The following GPATCH2 variants were observed in gnomAD, a reference collection of about 807,000 sequenced individuals.
GPATCH2 encodes G patch domain-containing protein 2.
In GPATCH2, 51 loss-of-function variants were observed where a neutral mutation model predicts 58.0. The observed-to-expected ratio is 0.88, with a 90% CI of 0.70 to 1.11. The LOEUF is 1.11. Ranked by LOEUF, GPATCH2 falls within the 50% of genes most tolerant of loss-of-function variation. The probability of loss-of-function intolerance (pLI) is 0.00; values close to 1 mark genes in which losing one functional copy is unlikely to be tolerated. For synonymous variants in GPATCH2, 222 were observed against 218.5 expected, an observed-to-expected ratio of 1.02 and a Z score of -0.14; for missense variants, 625 against 652.2, an observed-to-expected ratio of 0.96 and a Z score of 0.45.
intron 8 of GPATCH2, among the ~76,000 whole-genome samples, chr1:217,484,078 C>G (rs770118101): frequency 6.6e-6 from 1 of 152,030 alleles, no homozygotes; most frequent in Non-Finnish European, 1.5e-5. Context: ...ACCAACATAC[C>G]AAGTCAATTT....
chr1:217,454,818 A>G lies in GPATCH2; in HGVS notation c.1278-5481T>C, dbSNP rs556859812. 1.6e-3 allele frequency among the ~76,000 whole-genome samples: 241 copies of G among 151,642 alleles called. 1 individual carries two copies. Among genetic ancestry groups the G allele is most frequent in the Middle Eastern group, 3.4e-3 (1 of 294 alleles). On this transcript the variant is annotated intron_variant, in intron 8 of 9. Transcript: ENST00000366935. Reference sequence around the variant, plus strand: ...CCTCTAATTTTCATATTTTTACTAGAGACGGGGGTTTCACCTTATTGGCCA... The same window carrying G: ...CCTCTAATTTTCATATTTTTACTAGGGACGGGGGTTTCACCTTATTGGCCA...
intron 1 of GPATCH2, among the ~76,000 whole-genome samples, chr1:217,623,606 A>G (rs1403008331): frequency 6.6e-6 from 1 of 152,192 alleles, no homozygotes; most frequent in Non-Finnish European, 1.5e-5. Context: ...AAGAGAAAAT[A>G]AAACTTATTT....
chr1:217,474,962 A>T (rs1660906300), intron 8 of GPATCH2, among the ~76,000 whole-genome samples: 1 of 152,166 alleles, frequency 6.6e-6, no homozygotes, highest in Non-Finnish European at 1.5e-5. Flanking sequence ...AAGGTGAATA[A>T]TTTTTATCTT....
chr1:217,557,793 G>A (rs1665718809), intron 5 of GPATCH2, among the ~76,000 whole-genome samples: 1 of 151,962 alleles, frequency 6.6e-6, no homozygotes, highest in Admixed American at 6.6e-5. Flanking sequence ...TTCTATCCCT[G>A]CACCGATACT....
chr1:217,461,371 G>A (rs1660191450), intron 8 of GPATCH2, among the ~76,000 whole-genome samples: 1 of 152,092 alleles, frequency 6.6e-6, no homozygotes, highest in Non-Finnish European at 1.5e-5. Context: ...TTACTCATGG[G>A]AGAAAACAGT....
intron 6 of GPATCH2, among the ~76,000 whole-genome samples, chr1:217,506,009 C>T (rs996748850): frequency 6.6e-6 from 1 of 152,050 alleles, no homozygotes; most frequent in Non-Finnish European, 1.5e-5. Flanking sequence ...TTTGTAGAGA[C>T]AAGGTTTCAC....
At chr1:217,440,413 TG>T (rs1323349286) in intron 9 of GPATCH2, among the ~76,000 whole-genome samples, 1 of 152,218 alleles carries the variant, frequency 6.6e-6, no homozygotes, top group East Asian at 1.9e-4. Flanking sequence ...TCATACTGAA[TG>T]GGCAAAAGCT....
At chr1:217,518,904 C>T (rs1235227962) in intron 5 of GPATCH2, among the ~76,000 whole-genome samples, 2 of 152,244 alleles carry the variant, frequency 1.3e-5, no homozygotes, top group Non-Finnish European at 2.9e-5. Context: ...TTTGTGAGGA[C>T]TGGTCAATCA....
intron 5 of GPATCH2, among the ~76,000 whole-genome samples, chr1:217,535,071 C>T (rs1428923672): frequency 6.6e-6 from 1 of 152,072 alleles, no homozygotes; most frequent in East Asian, 1.9e-4. Context: ...ATAGTAAGGA[C>T]CCAATAATGC....
intron 5 of GPATCH2, among the ~76,000 whole-genome samples, chr1:217,592,729 C>A (rs1260190340): frequency 6.6e-6 from 1 of 151,714 alleles, no homozygotes; most frequent in African/African-American, 2.4e-5. Context: ...TCTTATTAAC[C>A]TGGAGGTTAA....
chr1:217,611,371 T>A (rs1376140295), intron 3 of GPATCH2, among the ~76,000 whole-genome samples: 1 of 139,704 alleles, frequency 7.2e-6, no homozygotes, highest in Non-Finnish European at 1.6e-5. Context: ...AGGAAAACTT[T>A]TTATTTTATA....
At chr1:217,559,873 GGAGAGAGAGAGA>G (rs59474147) in intron 5 of GPATCH2, among the ~76,000 whole-genome samples, 1 of 143,062 alleles carries the variant, frequency 7.0e-6, no homozygotes, top group Non-Finnish European at 1.5e-5. Flanking sequence ...AAATCCAGAG[GGAGAGAGAGAGA>G]GAGAGAGAGA....
chr1:217,547,023 C>A (rs956028282), intron 5 of GPATCH2, among the ~76,000 whole-genome samples: 2 of 152,000 alleles, frequency 1.3e-5, no homozygotes, highest in African/African-American at 4.8e-5. Context: ...TGGAGAAATG[C>A]AAATGAAAAC....
Position 217,428,619 on chromosome 1 carries a change from T to G in GPATCH2, c.*2526A>C, listed in dbSNP as rs567129580. 42 of 152,304 alleles carry G rather than the reference T, an allele frequency of 2.8e-4. No homozygotes were observed. The highest frequency in any genetic ancestry group is 9.1e-4 in the African/African-American group (38 of 41,558). The allele number at this position is 152,304 out of a possible 1,614,324, so 9.4% of individuals were successfully genotyped here. A position where few individuals can be genotyped will look rare whatever the true frequency, so the allele number is the denominator to read the frequency against. On this transcript the variant is annotated 3_prime_UTR_variant, in exon 10 of 10. Coordinates refer to ENST00000366935, the MANE Select transcript of GPATCH2 (RefSeq NM_018040.5). Reference sequence around the variant, plus strand: ...ATCACTTCTCTGCTTTGAGTGCTGATTCACATATACTGTAGAGTACATATA... The same window carrying G: ...ATCACTTCTCTGCTTTGAGTGCTGAGTCACATATACTGTAGAGTACATATA...
intron 7 of GPATCH2, among the ~76,000 whole-genome samples, chr1:217,493,881 G>A (rs1395908436): frequency 6.6e-6 from 1 of 151,818 alleles, no homozygotes; most frequent in African/African-American, 2.4e-5. Context: ...ATAAAAGACA[G>A]ATACTTGAAC....
In GPATCH2 at chr1:217,631,041, G is replaced by A. The variant is rs560521325; in HGVS notation, c.-70C>T. The A allele has an allele frequency of 3.7e-5, 51 of 1,396,846 alleles. No individual in the cohort carries two copies. The African/African-American group carries it at 6.3e-4, about 17-fold the overall frequency. 86.5% of individuals were successfully genotyped at this position (1,396,846 alleles called of 1,614,324 possible). A position where few individuals can be genotyped will look rare whatever the true frequency, so the allele number is the denominator to read the frequency against. On this transcript the variant is annotated 5_prime_UTR_variant, in exon 1 of 10. Transcript: ENST00000366935. ...AGACTCCAACTACAACAGCACCGGC[G>A]ACTTCCAAAGAGCAGTTCAGCATTT...
At chr1:217,511,983 G>A (rs762513517) in intron 6 of GPATCH2, among the ~76,000 whole-genome samples, 1 of 152,152 alleles carries the variant, frequency 6.6e-6, no homozygotes, top group Non-Finnish European at 1.5e-5. Flanking sequence ...GGTAAGGGGT[G>A]CGCCTGAAGA....
At chr1:217,552,530 G>A (rs1039644186) in intron 5 of GPATCH2, among the ~76,000 whole-genome samples, 6 of 152,116 alleles carry the variant, frequency 3.9e-5, no homozygotes, top group African/African-American at 1.4e-4. Context: ...CAGCTGGACA[G>A]TGATGAAAAG....
At chr1:217,459,416 T>C (rs1326785146) in intron 8 of GPATCH2, among the ~76,000 whole-genome samples, 3 of 152,208 alleles carry the variant, frequency 2.0e-5, no homozygotes, top group Non-Finnish European at 4.4e-5. Context: ...GAATCTGATA[T>C]TTGAGGCATC....
Sources: allele counts gnomAD v4.1 joint callset (sites outside exome capture counted in the v4.1 genomes callset), GRCh38; gene constraint gnomAD v4.1.1; transcripts MANE v1.5; gene names NCBI Gene and HGNC (gene_info 2026-07-23, HGNC 2026-07-21).